The following MYSM1 variants were observed in gnomAD, a reference collection of about 807,000 sequenced individuals.
The protein encoded by MYSM1 is deubiquitinase MYSM1.
Under a neutral mutation model 116.0 loss-of-function variants are expected in MYSM1, and 51 were observed. The ratio of observed to expected loss-of-function variants is 0.44; its 90% CI spans 0.35 to 0.56. MYSM1 has a LOEUF of 0.56. MYSM1 is among the 20% of genes least tolerant of loss of function. The probability of loss-of-function intolerance (pLI) is 0.00; values close to 1 mark genes in which losing one functional copy is unlikely to be tolerated. For missense variants in MYSM1, 900 were observed against 974.9 expected, an observed-to-expected ratio of 0.92 and a Z score of 1.02; for synonymous variants, 313 against 315.2, an observed-to-expected ratio of 0.99 and a Z score of 0.07.
At chr1:58,666,058 A>G (rs973753680) in intron 16 of MYSM1, among the ~76,000 whole-genome samples, 1 of 139,450 alleles carries the variant, frequency 7.2e-6, no homozygotes, top group East Asian at 2.0e-4. Context: ...CTATGTCTCT[A>G]AAAAAAAAAA....
intron 12 of MYSM1, among the ~76,000 whole-genome samples, chr1:58,669,771 T>A (rs978450437): frequency 2.6e-4 from 35 of 132,408 alleles, no homozygotes; most frequent in African/African-American, 8.5e-4. Flanking sequence ...GAGGCTGCAG[T>A]GAGCCATGAT....
chr1:58,690,489 G>A lies in MYSM1; in HGVS notation c.219-72C>T, dbSNP rs1033268652. The A allele has an allele frequency of 7.9e-6, 8 of 1,008,964 alleles. No homozygotes were observed. The African/African-American group carries it at 8.2e-5, about 10-fold the overall frequency. 62.5% of individuals were successfully genotyped at this position (1,008,964 alleles called of 1,614,324 possible). On this transcript the variant is annotated intron_variant, in intron 3 of 19. Coordinates refer to ENST00000472487, the MANE Select transcript of MYSM1 (RefSeq NM_001085487.3). ...AATTTTTACATTACTTATACAAAAC[G>A]TGTGCTACATAAATGTTATTAATAG...
Position 58,685,245 on chromosome 1 carries a change from A to T in MYSM1, c.406T>A (p.Phe136Ile). 6.2e-7 allele frequency: 1 copy of T among 1,607,702 alleles called. No individual in the cohort carries two copies. The highest frequency in any genetic ancestry group is 1.3e-5 in the African/African-American group (1 of 74,684). ...KELFEQGLAK[F>I]GRRWTKISKL... ...GAAATTTTGGTCCATCTTCGGCCAA[A>T]TTTAGCCTGTATTATTAAAATGGGA... The change falls in exon 7 of 20, where the codon TTT (phenylalanine) becomes ATT (isoleucine). Residue 136 changes from phenylalanine (F) to isoleucine (I), a missense_variant. Phe to Ile is a conservative substitution (Grantham distance 21, BLOSUM62 0). This residue lies in a region of MYSM1 where 622 missense variants were observed against 623.7 expected (regional missense o/e 1.00). Transcript: ENST00000472487.
At position 58,655,355 on chromosome 1, in the gene MYSM1, T is replaced by C. The variant is rs1421921526; in HGVS notation, c.*4642A>G. 2 of 152,232 alleles carry C rather than the reference T, an allele frequency of 1.3e-5. No homozygotes were observed. The highest frequency in any genetic ancestry group is 4.8e-5 in the African/African-American group (2 of 41,558). The allele number at this position is 152,232 out of a possible 1,614,324, so 9.4% of individuals were successfully genotyped here. A position where few individuals can be genotyped will look rare whatever the true frequency, so the allele number is the denominator to read the frequency against. On this transcript the variant is annotated 3_prime_UTR_variant, in exon 20 of 20. Coordinates refer to ENST00000472487, the MANE Select transcript of MYSM1 (RefSeq NM_001085487.3). The stretch of plus-strand genomic sequence containing the variant: ...TGAAATTAAAGTTCTTATGAATACC[T>C]TCATAAACACCAAAGGAAGAAAATA...
intron 12 of MYSM1, among the ~76,000 whole-genome samples, chr1:58,669,836 CAAA>C (rs58828009): frequency 3.7e-3 from 54 of 14,516 alleles, no homozygotes; most frequent in African/African-American, 0.011. Flanking sequence ...ACCCTGTCTC[CAAA>C]AAAAAAAAAA....
intron 18 of MYSM1, 42 bp from the exon 19 acceptor site, chr1:58,661,269 T>A: frequency 6.7e-7 from 1 of 1,484,086 alleles, no homozygotes; most frequent in Non-Finnish European, 9.4e-7. Flanking sequence ...AAACGAATAC[T>A]ATAAACTAAT....
chr1:58,668,935 C>CAG (rs57822474), intron 13 of MYSM1, 49 bp downstream of exon 13: 1,377,855 of 1,415,294 alleles, frequency 0.97, 670,858 homozygotes, highest in East Asian at 1. Flanking sequence ...TCCTGTTTGA[C>CAG]GGGGAAGCGG....
intron 17 of MYSM1, among the ~76,000 whole-genome samples, chr1:58,664,240 T>C (rs552158944): frequency 1.3e-5 from 2 of 152,190 alleles, no homozygotes; most frequent in Admixed American, 1.3e-4. Context: ...TTAAAAATGA[T>C]TTAAAGAGAA....
intron 6 of MYSM1, among the ~76,000 whole-genome samples, chr1:58,686,302 T>G (rs1644826883): frequency 6.6e-6 from 1 of 152,204 alleles, no homozygotes; most frequent in African/African-American, 2.4e-5. Context: ...AAGGGACTGT[T>G]AGGTATCAAG....
chr1:58,661,416 G>A lies in MYSM1; in HGVS notation c.2260C>T (p.Leu754Phe). 1 of 1,566,490 alleles carries A rather than the reference G, an allele frequency of 6.4e-7. No individual in the cohort carries two copies. Among genetic ancestry groups the A allele is most frequent in the Non-Finnish European group, 8.8e-7 (1 of 1,137,232 alleles). Residue 754 changes from leucine (L) to phenylalanine (F), a missense_variant, in exon 18 of 20, where the codon CTC (leucine) becomes TTC (phenylalanine). Physicochemically the swap from Leu to Phe is conservative, Grantham distance 22. Transcript: ENST00000472487. ...KTRWIIEKYR[L>F]SHSSVPMDKI... The stretch of plus-strand genomic sequence containing the variant: ...AACCACAGTACATACCTATGGGAGA[G>A]CCTGTATTTTTCTATTATCCATCTT...
chr1:58,664,350 A>G (rs1644437174), intron 17 of MYSM1, among the ~76,000 whole-genome samples: 1 of 152,230 alleles, frequency 6.6e-6, no homozygotes, highest in Admixed American at 6.5e-5. Context: ...AAAAGCTAAT[A>G]CCAATATTAT....
chr1:58,682,309 G>C lies in MYSM1; in HGVS notation c.735C>G (p.Leu245=), dbSNP rs1305955427. The change falls in exon 8 of 20, where the codon CTC becomes CTG. Residue 245 remains leucine, a synonymous_variant. Transcript: ENST00000472487. Reference sequence around the variant, plus strand: ...TTTTACTATTAGGAAAGTCTAACAAGAGATCACTGCTAGAATTCTTCTGGG... The same window carrying C: ...TTTTACTATTAGGAAAGTCTAACAACAGATCACTGCTAGAATTCTTCTGGG... ...QTPQKNSSSD[L]LLDFPNSKMH... 28 of 1,613,214 alleles carry C rather than the reference G, an allele frequency of 1.7e-5. 1 individual carries two copies. The highest frequency in any genetic ancestry group is 2.3e-5 in the Non-Finnish European group (27 of 1,179,332).
intron 8 of MYSM1, among the ~76,000 whole-genome samples, chr1:58,681,138 T>C (rs187245063): frequency 6.6e-6 from 1 of 152,316 alleles, no homozygotes; most frequent in Non-Finnish European, 1.5e-5. Context: ...CCAGCAATTA[T>C]AAATGTTTAA....
intron 8 of MYSM1, among the ~76,000 whole-genome samples, chr1:58,680,276 T>C (rs1363708030): frequency 2.0e-5 from 3 of 152,134 alleles, no homozygotes; most frequent in African/African-American, 4.8e-5. Flanking sequence ...CAGTGACTGG[T>C]TGTATAATCC....
chr1:58,681,391 A>G (rs1644739353), intron 8 of MYSM1, among the ~76,000 whole-genome samples: 1 of 152,220 alleles, frequency 6.6e-6, no homozygotes, highest in South Asian at 2.1e-4. Flanking sequence ...TGTTTCTGCA[A>G]TCTGGCCACA....
At chr1:58,662,603 A>T (rs17118043) in intron 17 of MYSM1, among the ~76,000 whole-genome samples, 2,453 of 152,028 alleles carry the variant, frequency 0.016, 66 homozygotes, top group African/African-American at 0.057. Flanking sequence ...TACTGCCTCA[A>T]CTGGGTTTCT....
At chr1:58,688,735 T>C (rs952573012) in intron 6 of MYSM1, among the ~76,000 whole-genome samples, 1 of 152,134 alleles carries the variant, frequency 6.6e-6, no homozygotes, top group Non-Finnish European at 1.5e-5. Context: ...TGCCTTTTAA[T>C]CCAGGTAGTT....
chr1:58,688,395 TA>T (rs2100667374), intron 6 of MYSM1, among the ~76,000 whole-genome samples: 1 of 151,702 alleles, frequency 6.6e-6, no homozygotes, highest in South Asian at 2.1e-4. Context: ...GGAAAAGATA[TA>T]AACTAATCTT....
At chr1:58,687,038 G>C (rs1644837277) in intron 6 of MYSM1, among the ~76,000 whole-genome samples, 1 of 151,542 alleles carries the variant, frequency 6.6e-6, no homozygotes, top group South Asian at 2.1e-4. Flanking sequence ...CAAAGGGAGA[G>C]TCCCATGCCC....
Sources: gnomAD v4.1 joint callset for allele counts (sites outside exome capture counted in the v4.1 genomes callset) on GRCh38, gnomAD v4.1.1 for gene constraint, gnomAD v4.1.1 regional missense constraint, MANE v1.5 for transcripts, NCBI Gene and HGNC (gene_info 2026-07-23, HGNC 2026-07-21) for gene names.